The following NCALD variants were observed in gnomAD, a reference collection of about 807,000 sequenced individuals.
NCALD encodes neurocalcin-delta.
A neutral mutation model predicts 18.6 loss-of-function variants in NCALD; 10 were observed. The ratio of observed to expected loss-of-function variants is 0.54; its 90% CI spans 0.33 to 0.91. NCALD has a LOEUF of 0.91. NCALD is among the 40% of genes least tolerant of loss of function. NCALD has a pLI of 0.03. For missense variants in NCALD, 184 were observed against 247.6 expected (o/e 0.74, Z 1.72); for synonymous variants, 88 against 87.4 (o/e 1.01, Z -0.04).
intron 1 of NCALD, among the ~76,000 whole-genome samples, chr8:101,785,313 A>T (rs1349513909): frequency 6.6e-6 from 1 of 152,214 alleles, no homozygotes; most frequent in Non-Finnish European, 1.5e-5. Flanking sequence ...TAGAAGATTA[A>T]TAACAGCAGT....
At chr8:101,972,898 A>G (rs928754577) in intron 2 of NCALD, among the ~76,000 whole-genome samples, 1 of 152,308 alleles carries the variant, frequency 6.6e-6, no homozygotes, top group East Asian at 1.9e-4. Flanking sequence ...CTCACAACAA[A>G]CAGTTTGTTC....
chr8:101,866,720 C>T (rs911128981), intron 4 of NCALD, among the ~76,000 whole-genome samples: 9 of 152,120 alleles, frequency 5.9e-5, no homozygotes, highest in East Asian at 1.9e-4. Context: ...CAGAATCCAA[C>T]CTCTTCTCAT....
chr8:101,944,352 G>C (rs930201018), intron 2 of NCALD, among the ~76,000 whole-genome samples: 1 of 152,206 alleles, frequency 6.6e-6, no homozygotes, highest in South Asian at 2.1e-4. Flanking sequence ...CTCTGGAAGA[G>C]TTTGAATGCA....
chr8:101,915,964 C>T (rs762917047), intron 2 of NCALD: 3 of 152,124 alleles, frequency 2.0e-5, no homozygotes, highest in Non-Finnish European at 4.4e-5. Flanking sequence ...CACTGGGAGA[C>T]TGACATCCCA....
Position 101,688,175 on chromosome 8 carries a change from G to A in NCALD, c.*1134C>T, listed in dbSNP as rs929434033. On this transcript the variant is annotated 3_prime_UTR_variant, in exon 4 of 4. Transcript: ENST00000220931. ...ATGCCGCCAGTCTAATGCTGTCAAT[G>A]GGCTGCTGGGCCTGAGAGGGAAACC... 1.2e-5 allele frequency: 2 copies of A among 161,104 alleles called. No individual in the cohort carries two copies. The highest frequency in any genetic ancestry group is 2.7e-5 in the Non-Finnish European group (2 of 73,176). The allele number at this position is 161,104 out of a possible 1,614,324, so 10.0% of individuals were successfully genotyped here.
chr8:101,980,937 T>C (rs1192316907), intron 2 of NCALD, among the ~76,000 whole-genome samples: 3 of 152,200 alleles, frequency 2.0e-5, no homozygotes, highest in African/African-American at 7.2e-5. Flanking sequence ...CCAATTCAAG[T>C]TCCATCTCCA....
upstream of NCALD, among the ~76,000 whole-genome samples, chr8:101,794,528 A>C (rs1353093228): frequency 6.6e-6 from 1 of 152,214 alleles, no homozygotes; most frequent in Non-Finnish European, 1.5e-5. Flanking sequence ...TACATAAATA[A>C]ATAAATATTT....
chr8:101,973,744 A>G (rs1463227856), intron 2 of NCALD, among the ~76,000 whole-genome samples: 24 of 152,178 alleles, frequency 1.6e-4, no homozygotes, highest in Admixed American at 1.6e-3. Flanking sequence ...CCATGAGACC[A>G]CAAGCTTCTA....
chr8:101,860,428 CAG>C (rs1221915270), intron 4 of NCALD, among the ~76,000 whole-genome samples: 1 of 152,120 alleles, frequency 6.6e-6, no homozygotes. Context: ...CACAGGAGAG[CAG>C]AGAGTTCCAT....
intron 2 of NCALD, among the ~76,000 whole-genome samples, chr8:101,714,724 C>A (rs901851597): frequency 6.6e-6 from 1 of 151,514 alleles, no homozygotes; most frequent in Non-Finnish European, 1.5e-5. Context: ...GGGCCGGGCA[C>A]GGTGGCTCAC....
intron 1 of NCALD, among the ~76,000 whole-genome samples, chr8:101,747,967 C>T (rs1308219355): frequency 1.3e-5 from 2 of 152,198 alleles, no homozygotes; most frequent in African/African-American, 4.8e-5. Context: ...ATCTGCCCGC[C>T]TCGGCCTCCC....
At chr8:101,764,126 A>G (rs1811246176) in intron 1 of NCALD, among the ~76,000 whole-genome samples, 1 of 152,068 alleles carries the variant, frequency 6.6e-6, no homozygotes, top group African/African-American at 2.4e-5. Flanking sequence ...TGGAATTGGG[A>G]CTGAGTTGAA....
At chr8:101,852,137 C>T (rs1210998828) in intron 4 of NCALD, among the ~76,000 whole-genome samples, 2 of 152,122 alleles carry the variant, frequency 1.3e-5, no homozygotes, top group African/African-American at 2.4e-5. Flanking sequence ...CTGTAAATTA[C>T]CCAGTCTAAG....
At chr8:101,692,762 A>G (rs770797928) in intron 3 of NCALD, 29 bp downstream of exon 3, 8 of 1,581,258 alleles carry the variant, frequency 5.1e-6, no homozygotes, top group Non-Finnish European at 7.0e-6. Flanking sequence ...CCCCCATCTG[A>G]GCAAAGCAGT....
In NCALD at chr8:101,806,745, A is replaced by T. The variant is rs112156471; in HGVS notation, c.-20+80396T>A. Reference sequence around the variant, plus strand: ...TTGGACATCAATATGTGTATAAAACACATGCACCTATGCACACAATTCCCA... The same window carrying T: ...TTGGACATCAATATGTGTATAAAACTCATGCACCTATGCACACAATTCCCA... On this transcript the variant is annotated intron_variant, in intron 4 of 6. Coordinates refer to the NCALD transcript ENST00000311028. Among the ~76,000 whole-genome samples the T allele has an allele frequency of 5.7e-3, 869 of 152,304 alleles. 10 individuals carry two copies. The highest frequency in any genetic ancestry group is 0.018 in the African/African-American group (763 of 41,566).
At chr8:101,844,016 C>T (rs1814761634) in intron 4 of NCALD, among the ~76,000 whole-genome samples, 1 of 152,194 alleles carries the variant, frequency 6.6e-6, no homozygotes, top group African/African-American at 2.4e-5. Context: ...TACTGGCTTG[C>T]CAGTCTTTTT....
At chr8:101,965,055 C>T (rs1430116743) in intron 2 of NCALD, among the ~76,000 whole-genome samples, 11 of 152,066 alleles carry the variant, frequency 7.2e-5, no homozygotes, top group African/African-American at 1.2e-4. Flanking sequence ...ACATCAAAAC[C>T]GCAATGAGAT....
intron 4 of NCALD, among the ~76,000 whole-genome samples, chr8:101,878,626 C>G (rs1168609026): frequency 6.6e-6 from 1 of 152,120 alleles, no homozygotes; most frequent in Non-Finnish European, 1.5e-5. Context: ...ATCAAGTGAT[C>G]TTTACTTATA....
intron 3 of NCALD, among the ~76,000 whole-genome samples, chr8:101,893,012 A>C (rs984554232): frequency 2.0e-5 from 3 of 149,112 alleles, no homozygotes; most frequent in East Asian, 1.9e-4. Context: ...AATACAGAGA[A>C]CGCCACAAAG....
Sources: allele counts gnomAD v4.1 joint callset (sites outside exome capture counted in the v4.1 genomes callset), GRCh38; gene constraint gnomAD v4.1.1; transcripts MANE v1.5; gene names NCBI Gene and HGNC (gene_info 2026-07-23, HGNC 2026-07-21).